PARD3B: variants seen among roughly 807,000 people sequenced by gnomAD.
PARD3B encodes partitioning defective 3 homolog B.
In PARD3B, 103 loss-of-function variants were observed where a neutral mutation model predicts 130.2. The observed-to-expected ratio is 0.79, with a 90% CI of 0.67 to 0.93. The LOEUF is 0.93. Among genes scored for constraint, PARD3B ranks in the 40% least tolerant of loss-of-function variants. The pLI is 0.00. For synonymous variants in PARD3B, 583 were observed against 553.2 expected (o/e 1.05, Z -0.76); for missense variants, 1,609 against 1,499.2 (o/e 1.07, Z -1.21).
At chr2:204,746,599 G>A (rs185248607) in intron 2 of PARD3B, among the ~76,000 whole-genome samples, 5,194 of 152,140 alleles carry the variant, frequency 0.034, 220 homozygotes, top group African/African-American at 0.11. Context: ...TCCCACCAAC[G>A]GTGTAAAAGT....
intron 2 of PARD3B, among the ~76,000 whole-genome samples, chr2:204,945,296 A>G (rs574469798): frequency 6.6e-6 from 1 of 152,278 alleles, no homozygotes; most frequent in South Asian, 2.1e-4. Flanking sequence ...AATTGGGGTC[A>G]TTGATTGGTT....
chr2:205,552,289 AGAAC>A (rs1455739424), intron 21 of PARD3B, among the ~76,000 whole-genome samples: 1 of 133,014 alleles, frequency 7.5e-6, no homozygotes, highest in Non-Finnish European at 1.6e-5. Flanking sequence ...CGTAAGAGAG[AGAAC>A]TGAGGTTCAG....
chr2:205,264,947 T>C (rs1339992811), intron 16 of PARD3B, among the ~76,000 whole-genome samples: 2 of 151,222 alleles, frequency 1.3e-5, no homozygotes, highest in African/African-American at 4.9e-5. Context: ...CCTGTTTATG[T>C]GATCATAAAT....
At chr2:205,081,646 A>G (rs992674503) in intron 4 of PARD3B, among the ~76,000 whole-genome samples, 3 of 151,998 alleles carry the variant, frequency 2.0e-5, no homozygotes, top group Non-Finnish European at 4.4e-5. Context: ...TTTTTTCTAC[A>G]TCTGTTTCTT....
intron 2 of PARD3B, among the ~76,000 whole-genome samples, chr2:204,800,673 C>G (rs916400860): frequency 1.3e-5 from 2 of 152,176 alleles, no homozygotes; most frequent in African/African-American, 4.8e-5. Context: ...CCTGTTCACT[C>G]TGATGATAGT....
chr2:205,200,582 T>C (rs192370002), intron 15 of PARD3B, among the ~76,000 whole-genome samples: 29 of 152,304 alleles, frequency 1.9e-4, no homozygotes, highest in Non-Finnish European at 3.2e-4. Context: ...GAATGATGCA[T>C]TCATTCAACA....
intron 2 of PARD3B, among the ~76,000 whole-genome samples, chr2:204,740,308 C>T (rs1047270100): frequency 1.3e-5 from 2 of 152,124 alleles, no homozygotes; most frequent in African/African-American, 2.4e-5. Flanking sequence ...AAGTGTGAGC[C>T]ACTATGCCCG....
At chr2:204,902,859 A>G (rs915289210) in intron 2 of PARD3B, among the ~76,000 whole-genome samples, 1 of 152,116 alleles carries the variant, frequency 6.6e-6, no homozygotes, top group African/African-American at 2.4e-5. Flanking sequence ...CCTGAATTCT[A>G]TGTCCTCTTC....
chr2:205,109,898 C>T (rs917442098), intron 5 of PARD3B, among the ~76,000 whole-genome samples: 2 of 152,072 alleles, frequency 1.3e-5, no homozygotes, highest in East Asian at 1.9e-4. Context: ...AAGTGATCTG[C>T]CCGCCTTGGC....
At chr2:204,683,699 G>A (rs1431085438) in intron 1 of PARD3B, among the ~76,000 whole-genome samples, 2 of 152,102 alleles carry the variant, frequency 1.3e-5, no homozygotes, top group African/African-American at 4.8e-5. Flanking sequence ...TCAGGGTTAG[G>A]TGTAGATATA....
chr2:205,089,281 C>G (rs1441096046), intron 4 of PARD3B, among the ~76,000 whole-genome samples: 1 of 151,942 alleles, frequency 6.6e-6, no homozygotes, highest in Non-Finnish European at 1.5e-5. Flanking sequence ...AGCGATTCTC[C>G]TGCCTCAGCC....
At chr2:205,335,641 G>T (rs1205702864) in intron 18 of PARD3B, among the ~76,000 whole-genome samples, 1 of 95,774 alleles carries the variant, frequency 1.0e-5, no homozygotes, top group Non-Finnish European at 2.8e-5. Context: ...ACAAGACTGG[G>T]GAAAAAAAAA....
intron 20 of PARD3B, among the ~76,000 whole-genome samples, chr2:205,486,572 A>C (rs1232210973): frequency 6.6e-6 from 1 of 152,178 alleles, no homozygotes. Flanking sequence ...GGGAGGCCTC[A>C]GGGAGCTTTT....
intron 1 of PARD3B, among the ~76,000 whole-genome samples, chr2:204,597,013 A>G (rs2033324934): frequency 6.6e-6 from 1 of 151,916 alleles, no homozygotes. Flanking sequence ...TAAGAAAAAT[A>G]ACTGCATGGA....
intron 18 of PARD3B, among the ~76,000 whole-genome samples, chr2:205,344,587 A>C (rs2043678776): frequency 6.6e-6 from 1 of 152,142 alleles, no homozygotes; most frequent in South Asian, 2.1e-4. Flanking sequence ...ACCCTTTTCT[A>C]TGGGCATTCC....
chr2:204,697,615 C>G (rs939196798), intron 2 of PARD3B, among the ~76,000 whole-genome samples: 4 of 152,096 alleles, frequency 2.6e-5, no homozygotes, highest in African/African-American at 7.2e-5. Context: ...GGCCAACTGT[C>G]AGCCTCTGAG....
chr2:205,333,782 A>G, intron 18 of PARD3B, among the ~76,000 whole-genome samples: 1 of 152,094 alleles, frequency 6.6e-6, no homozygotes, highest in South Asian at 2.1e-4. Context: ...TAGAAGGGCC[A>G]CTAGATCTCT....
intron 21 of PARD3B, among the ~76,000 whole-genome samples, chr2:205,522,275 T>C (rs1371520582): frequency 1.3e-5 from 2 of 151,344 alleles, no homozygotes; most frequent in African/African-American, 4.8e-5. Flanking sequence ...GATAATAAGC[T>C]AATGTTCTTT....
chr2:204,960,488 A>AATG (rs1427897208), intron 2 of PARD3B, among the ~76,000 whole-genome samples: 3 of 152,170 alleles, frequency 2.0e-5, no homozygotes, highest in East Asian at 3.8e-4. Flanking sequence ...AACCAACAAT[A>AATG]ATGATGATGA....
Sources: gnomAD v4.1 joint callset for allele counts (sites outside exome capture counted in the v4.1 genomes callset) on GRCh38, gnomAD v4.1.1 for gene constraint, MANE v1.5 for transcripts, NCBI Gene and HGNC (gene_info 2026-07-23, HGNC 2026-07-21) for gene names.